RBFOX2: variants seen among roughly 807,000 people sequenced by gnomAD.
RBFOX2 encodes RNA binding fox-1 homolog 2, also known as RNA binding protein fox-1 homolog 2.
RBFOX2 carries 10 observed loss-of-function variants against 49.1 expected under a neutral mutation model. The ratio of observed to expected loss-of-function variants is 0.20; its 90% CI spans 0.13 to 0.35. The LOEUF (loss-of-function observed/expected upper bound fraction) is 0.35, where lower values mean the gene tolerates loss of function less well. RBFOX2 is among the 10% of genes least tolerant of loss of function. The pLI, the probability that RBFOX2 is intolerant of heterozygous loss-of-function variation, is 1.00. For missense variants in RBFOX2, 323 were observed against 486.9 expected, an observed-to-expected ratio of 0.66 and a Z score of 3.17; for synonymous variants, 183 against 187.4, an observed-to-expected ratio of 0.98 and a Z score of 0.19.
intron 1 of RBFOX2, among the ~76,000 whole-genome samples, chr22:36,004,683 CT>C (rs1314141837): frequency 6.6e-6 from 1 of 152,094 alleles, no homozygotes; most frequent in Non-Finnish European, 1.5e-5. Context: ...GTAATCCCAG[CT>C]ACTTGGGAGG....
chr22:35,761,160 A>C, intron 8 of RBFOX2, 42 bp downstream of exon 9: 1 of 1,556,084 alleles, frequency 6.4e-7, no homozygotes, highest in Non-Finnish European at 8.9e-7. Context: ...TAGTTCACTC[A>C]CAACAGTCAA....
At position 36,014,329 on chromosome 22, in the gene RBFOX2, C is replaced by T. The variant is rs1010612522; in HGVS notation, c.186+13911G>A. Reference sequence around the variant, plus strand: ...AGTAGAGACGGGGTTTCACCGTGGTCTCGATCTCCTGACCTCGTGATCCGC... The same window carrying T: ...AGTAGAGACGGGGTTTCACCGTGGTTTCGATCTCCTGACCTCGTGATCCGC... On this transcript the variant is annotated intron_variant, in intron 1 of 13. Coordinates refer to the RBFOX2 transcript ENST00000438146. Among the ~76,000 whole-genome samples, 3 of 152,088 alleles carry T rather than the reference C, an allele frequency of 2.0e-5. No individual in the cohort carries two copies. The South Asian group carries it at 6.2e-4, about 32-fold the overall frequency.
intron 1 of RBFOX2, among the ~76,000 whole-genome samples, chr22:35,886,391 T>C (rs544906035): frequency 6.6e-6 from 1 of 152,344 alleles, no homozygotes; most frequent in South Asian, 2.1e-4. Flanking sequence ...AGGAATGTAA[T>C]GCTTTCAACT....
intron 1 of RBFOX2, among the ~76,000 whole-genome samples, chr22:35,972,460 C>G (rs956780996): frequency 1.3e-5 from 2 of 151,968 alleles, no homozygotes; most frequent in Non-Finnish European, 2.9e-5. Flanking sequence ...GGGACTTACC[C>G]GGTACTGTGG....
At chr22:35,760,191 G>A (rs1437748781) in intron 8 of RBFOX2, among the ~76,000 whole-genome samples, 171 bp from the exon 10 acceptor site, 1 of 152,152 alleles carries the variant, frequency 6.6e-6, no homozygotes, top group African/African-American at 2.4e-5. Flanking sequence ...CTCTCAGTGG[G>A]GAAGAAATGG....
intron 1 of RBFOX2, among the ~76,000 whole-genome samples, chr22:35,917,186 G>A (rs1326501220): frequency 6.6e-6 from 1 of 152,190 alleles, no homozygotes; most frequent in Admixed American, 6.5e-5. Flanking sequence ...CCCTAAAAAG[G>A]AGCTCATGTT....
intron 1 of RBFOX2, among the ~76,000 whole-genome samples, chr22:35,899,158 A>G (rs1421589461): frequency 6.6e-6 from 1 of 151,704 alleles, no homozygotes; most frequent in Non-Finnish European, 1.5e-5. Context: ...ATAACATAAC[A>G]TAACATAACA....
At chr22:35,787,378 G>C (rs1257992062) in intron 2 of RBFOX2, among the ~76,000 whole-genome samples, 1 of 152,118 alleles carries the variant, frequency 6.6e-6, no homozygotes, top group Non-Finnish European at 1.5e-5. Flanking sequence ...GTCAGGCTAT[G>C]CAGAGAAAGG....
At chr22:35,875,610 GTGTGTGTGTGTGT>G (rs2044954377) in intron 1 of RBFOX2, among the ~76,000 whole-genome samples, 1 of 14,838 alleles carries the variant, frequency 6.7e-5, no homozygotes, top group African/African-American at 2.2e-4. Context: ...TCACAAGGGT[GTGTGTGTGTGTGT>G]GTGTGTGTGT....
chr22:35,806,536 G>A (rs183851086), intron 2 of RBFOX2, among the ~76,000 whole-genome samples: 46 of 151,980 alleles, frequency 3.0e-4, no homozygotes, highest in Non-Finnish European at 5.6e-4. Context: ...CCTTGAGAAA[G>A]CACTAAGAAA....
At chr22:36,021,215 G>A (rs1488244026) in intron 1 of RBFOX2, among the ~76,000 whole-genome samples, 1 of 132,864 alleles carries the variant, frequency 7.5e-6, no homozygotes, top group Non-Finnish European at 1.6e-5. Context: ...TTGGACACAG[G>A]GTGGGGAACA....
intron 1 of RBFOX2, among the ~76,000 whole-genome samples, chr22:35,972,579 G>T (rs1411254980): frequency 6.6e-6 from 1 of 152,084 alleles, no homozygotes; most frequent in African/African-American, 2.4e-5. Context: ...TTTTTCACCA[G>T]TAATATGGGG....
chr22:36,008,632 C>G (rs192652871), intron 1 of RBFOX2, among the ~76,000 whole-genome samples: 3 of 152,044 alleles, frequency 2.0e-5, no homozygotes, highest in African/African-American at 7.2e-5. Flanking sequence ...GCCTGGCCAA[C>G]ACAGTGAAAC....
At chr22:35,941,595 A>G (rs2053690376), upstream of RBFOX2, among the ~76,000 whole-genome samples, 2 of 152,110 alleles carry the variant, frequency 1.3e-5, no homozygotes, top group African/African-American at 4.8e-5. Flanking sequence ...ACATTTCATG[A>G]TTGTCTGAGA....
intron 1 of RBFOX2, chr22:35,994,010 A>G (rs1260235613): frequency 6.6e-6 from 1 of 152,066 alleles, no homozygotes; most frequent in East Asian, 1.9e-4. Context: ...AAACAAAAAA[A>G]TCATTAAAGG....
intron 2 of RBFOX2, among the ~76,000 whole-genome samples, chr22:35,790,396 A>AT (rs1252920420): frequency 2.0e-5 from 3 of 152,246 alleles, no homozygotes; most frequent in African/African-American, 7.2e-5. Context: ...TAAATACAAA[A>AT]TTTTTTCCTT....
chr22:36,026,652 C>T (rs915570005), intron 1 of RBFOX2, among the ~76,000 whole-genome samples: 2 of 152,104 alleles, frequency 1.3e-5, no homozygotes, highest in Non-Finnish European at 2.9e-5. Context: ...CACCTGAAGT[C>T]TCCCACATTC....
At chr22:35,753,198 G>A (rs1033887391) in intron 9 of RBFOX2, among the ~76,000 whole-genome samples, 15 of 152,026 alleles carry the variant, frequency 9.9e-5, no homozygotes, top group African/African-American at 3.4e-4. Context: ...TATGCCTTTC[G>A]GAGGAAATAA....
At chr22:35,817,477 AAAATAAATAAATAAAT>A (rs35010904) in intron 1 of RBFOX2, among the ~76,000 whole-genome samples, 2 of 149,398 alleles carry the variant, frequency 1.3e-5, no homozygotes, top group South Asian at 2.2e-4. Context: ...ACTTTGTCTC[AAAATAAATAAATAAAT>A]AAATAAATAA....
Sources: gnomAD v4.1 joint callset for allele counts (sites outside exome capture counted in the v4.1 genomes callset) on GRCh38, gnomAD v4.1.1 for gene constraint, MANE v1.5 for transcripts, NCBI Gene and HGNC (gene_info 2026-07-23, HGNC 2026-07-21) for gene names.